The following USP12 variants were observed in gnomAD, a reference collection of about 807,000 sequenced individuals.
The protein encoded by USP12 is ubiquitin carboxyl-terminal hydrolase 12.
USP12 carries 19 observed loss-of-function variants against 45.5 expected under a neutral mutation model. The ratio of observed to expected loss-of-function variants is 0.42; its 90% CI spans 0.29 to 0.61. The LOEUF is 0.61. USP12 is among the 20% of genes least tolerant of loss of function. The probability of loss-of-function intolerance (pLI) is 0.22; values close to 1 mark genes in which losing one functional copy is unlikely to be tolerated. For missense variants in USP12, 242 were observed against 447.7 expected (o/e 0.54, Z 4.15); for synonymous variants, 149 against 148.8 (o/e 1.00, Z -0.01).
intron 6 of USP12, among the ~76,000 whole-genome samples, chr13:27,080,626 G>A (rs1024673224): frequency 4.6e-5 from 7 of 152,158 alleles, no homozygotes; most frequent in East Asian, 3.8e-4. Context: ...AGCTCCCAGC[G>A]TACTGTCACT....
intron 1 of USP12, among the ~76,000 whole-genome samples, chr13:27,140,014 TCCCTA>T: frequency 6.6e-6 from 1 of 152,328 alleles, no homozygotes; most frequent in South Asian, 2.1e-4. Context: ...AAAACTGCAC[TCCCTA>T]CCTGCAAAAT....
intron 3 of USP12, 150 bp downstream of exon 3, chr13:27,105,581 T>C: frequency 1.5e-6 from 1 of 683,458 alleles, no homozygotes; most frequent in Non-Finnish European, 2.4e-6. Context: ...ACTAAACGAG[T>C]GCCTCTTTGA....
At chr13:27,169,758 T>C (rs146437471) in intron 1 of USP12, among the ~76,000 whole-genome samples, 1 of 152,326 alleles carries the variant, frequency 6.6e-6, no homozygotes, top group African/African-American at 2.4e-5. Flanking sequence ...ATTGTTTACC[T>C]GAATACTGTT....
chr13:27,082,054 TA>T (rs1169172088), intron 6 of USP12, among the ~76,000 whole-genome samples: 4 of 152,220 alleles, frequency 2.6e-5, no homozygotes, highest in African/African-American at 9.7e-5. Context: ...GGCTTCAACT[TA>T]AAAGTCACCA....
At chr13:27,167,900 C>T (rs928653643) in intron 1 of USP12, among the ~76,000 whole-genome samples, 1 of 152,086 alleles carries the variant, frequency 6.6e-6, no homozygotes, top group African/African-American at 2.4e-5. Context: ...TTACCTGGAT[C>T]CCAGTGAGAC....
chr13:27,071,220 T>C, intron 7 of USP12, 71 bp from the exon 8 acceptor site: 1 of 1,375,058 alleles, frequency 7.3e-7, no homozygotes. Flanking sequence ...TAAATTTTGT[T>C]TTATAAAGAA....
intron 3 of USP12, among the ~76,000 whole-genome samples, chr13:27,102,350 C>T (rs1006561175): frequency 6.6e-6 from 1 of 152,140 alleles, no homozygotes; most frequent in African/African-American, 2.4e-5. Flanking sequence ...AGCCTCCAGG[C>T]TGGTCTCCTG....
intron 1 of USP12, among the ~76,000 whole-genome samples, chr13:27,157,169 G>A (rs1021164592): frequency 1.1e-4 from 16 of 152,152 alleles, no homozygotes; most frequent in African/African-American, 3.6e-4. Flanking sequence ...TATATTCTGC[G>A]TAATAGTTAT....
At chr13:27,152,624 A>G (rs1482585082) in intron 1 of USP12, among the ~76,000 whole-genome samples, 1 of 152,230 alleles carries the variant, frequency 6.6e-6, no homozygotes. Context: ...TATGTGAATT[A>G]TATCTCAATA....
At chr13:27,078,361 A>G (rs570267800) in intron 6 of USP12, among the ~76,000 whole-genome samples, 30 of 152,330 alleles carry the variant, frequency 2.0e-4, no homozygotes, top group African/African-American at 6.5e-4. Flanking sequence ...ATGCCATTTT[A>G]TATCAGGGAC....
intron 3 of USP12, among the ~76,000 whole-genome samples, chr13:27,102,142 G>A (rs1359180748): frequency 6.6e-6 from 1 of 152,192 alleles, no homozygotes; most frequent in East Asian, 1.9e-4. Flanking sequence ...CAGTGAGTCA[G>A]AGCACACAAC....
intron 6 of USP12, among the ~76,000 whole-genome samples, chr13:27,079,723 T>C (rs1000233314): frequency 6.6e-6 from 1 of 152,182 alleles, no homozygotes; most frequent in African/African-American, 2.4e-5. Context: ...TGGAATCTGA[T>C]CCAGAGGACA....
At chr13:27,122,245 G>GT (rs11421764) in intron 1 of USP12, among the ~76,000 whole-genome samples, 43,549 of 152,024 alleles carry the variant, frequency 0.29, 6,719 homozygotes, top group Non-Finnish European at 0.35. Flanking sequence ...CATCAGGGTG[G>GT]TTCCCCCATA....
At chr13:27,150,639 C>G (rs1405090220) in intron 1 of USP12, among the ~76,000 whole-genome samples, 1 of 152,162 alleles carries the variant, frequency 6.6e-6, no homozygotes, top group Admixed American at 6.5e-5. Flanking sequence ...GTAATGATCA[C>G]TTGAGTCCAG....
intron 8 of USP12, 87 bp downstream of exon 8, chr13:27,070,984 C>A: frequency 9.2e-7 from 1 of 1,082,850 alleles, no homozygotes; most frequent in East Asian, 2.4e-5. Context: ...CATCACCAGT[C>A]ATATATAAAT....
chr13:27,086,162 CTT>C (rs1565984454), intron 6 of USP12, among the ~76,000 whole-genome samples: 1 of 84,420 alleles, frequency 1.2e-5, no homozygotes, highest in African/African-American at 4.4e-5. Flanking sequence ...AGAGAGAGAT[CTT>C]TTGTCTCTTT....
chr13:27,162,645 G>A (rs550706235), intron 1 of USP12, among the ~76,000 whole-genome samples: 3 of 152,204 alleles, frequency 2.0e-5, no homozygotes, highest in Non-Finnish European at 2.9e-5. Flanking sequence ...CAATACTATC[G>A]TGTTACTGTT....
rs753934915 is a variant in USP12, at chr13:27,129,584, G to A, written c.49-12988C>T. The stretch of plus-strand genomic sequence containing the variant: ...ACAGAGGATGTTGTGGAGCACGCCT[G>A]TAGTCCCAGCTGTTCGGGAGGCTGA... On this transcript the variant is annotated intron_variant, in intron 1 of 8. Transcript: ENST00000282344. The surrounding 1 kb of genome is among the most constrained non-coding windows in gnomAD (Gnocchi z 4.0). Among the ~76,000 whole-genome samples, 6 of 152,184 alleles carry A rather than the reference G, an allele frequency of 3.9e-5. No individual in the cohort carries two copies. The highest frequency in any genetic ancestry group is 1.3e-4 in the Admixed American group (2 of 15,280).
chr13:27,140,391 C>G (rs561297557), intron 1 of USP12, among the ~76,000 whole-genome samples: 1 of 152,168 alleles, frequency 6.6e-6, no homozygotes, highest in Non-Finnish European at 1.5e-5. Flanking sequence ...TGAAAACACA[C>G]AGTCAAAACT....
Sources: allele counts gnomAD v4.1 joint callset (sites outside exome capture counted in the v4.1 genomes callset), GRCh38; gene constraint gnomAD v4.1.1; non-coding constraint Gnocchi (gnomAD v3.1); transcripts MANE v1.5; gene names NCBI Gene and HGNC (gene_info 2026-07-23, HGNC 2026-07-21).